The following DSCAM variants were observed in gnomAD, a reference collection of about 807,000 sequenced individuals.
DSCAM encodes the protein DS cell adhesion molecule, also known as cell adhesion molecule DSCAM.
A neutral mutation model predicts 217.7 loss-of-function variants in DSCAM; 47 were observed. The ratio of observed to expected loss-of-function variants is 0.22; its 90% confidence interval spans 0.17 to 0.28. The LOEUF is 0.28. Ranked by LOEUF, DSCAM falls within the 10% of genes least tolerant of loss-of-function variation. DSCAM has a pLI of 1.00. For missense variants in DSCAM, 2,080 were observed against 2,618.3 expected, an observed-to-expected ratio of 0.79 and a Z score of 4.49; for synonymous variants, 1,056 against 1,015.3, an observed-to-expected ratio of 1.04 and a Z score of -0.76.
In DSCAM at chr21:40,412,861, C is replaced by T. The variant is rs74498091; in HGVS notation, c.509-43616G>A. Among the ~76,000 whole-genome samples the T allele has an allele frequency of 7.2e-3, 1,099 of 152,272 alleles. 12 individuals are homozygous for T. The highest frequency in any genetic ancestry group is 0.025 in the African/African-American group (1,035 of 41,564). On this transcript the variant is annotated intron_variant, in intron 3 of 32. Coordinates refer to ENST00000400454, the MANE Select transcript of DSCAM (RefSeq NM_001389.5). Reference sequence around the variant, plus strand: ...CTCTGTAGCCCCTCCCATCACAGACCTGAAGGAAAAAGTGGTTTCATGGGC... The same window carrying T: ...CTCTGTAGCCCCTCCCATCACAGACTTGAAGGAAAAAGTGGTTTCATGGGC...
intron 1 of DSCAM, among the ~76,000 whole-genome samples, chr21:40,828,799 GCA>G (rs2091990135): frequency 6.6e-6 from 1 of 152,088 alleles, no homozygotes; most frequent in Non-Finnish European, 1.5e-5. Context: ...GGGACTACAG[GCA>G]CATGCCACCA....
chr21:40,548,504 A>T (rs2076602342), intron 3 of DSCAM, among the ~76,000 whole-genome samples: 1 of 61,230 alleles, frequency 1.6e-5, no homozygotes, highest in Non-Finnish European at 3.2e-5. Context: ...ATAAACCAGT[A>T]AAAAAAAAAA....
At chr21:40,456,327 T>C (rs2075763211) in intron 3 of DSCAM, among the ~76,000 whole-genome samples, 1 of 151,694 alleles carries the variant, frequency 6.6e-6, no homozygotes, top group Non-Finnish European at 1.5e-5. Flanking sequence ...AAAAAGTAAA[T>C]TAAAATTACA....
At chr21:40,637,651 CTATATATA>C in intron 3 of DSCAM, among the ~76,000 whole-genome samples, 1 of 71,010 alleles carries the variant, frequency 1.4e-5, no homozygotes, top group Non-Finnish European at 2.6e-5. Flanking sequence ...AAATATATAT[CTATATATA>C]TATATATAAA....
chr21:40,780,423 G>GTGTGTGTATATATATATA (rs1007015659), intron 1 of DSCAM, among the ~76,000 whole-genome samples: 28 of 56,430 alleles, frequency 5.0e-4, no homozygotes, highest in Non-Finnish European at 6.6e-4. Context: ...GTGTGTGTGT[G>GTGTGTGTATATATATATA]TATATATATA....
intron 20 of DSCAM, among the ~76,000 whole-genome samples, chr21:40,095,651 A>T (rs1416542583): frequency 2.0e-5 from 3 of 152,196 alleles, no homozygotes; most frequent in Admixed American, 6.5e-5. Context: ...CTGTGAATAT[A>T]CTAAGAGCCA....
chr21:40,182,672 G>GA (rs1483079545), intron 14 of DSCAM, among the ~76,000 whole-genome samples: 13 of 105,544 alleles, frequency 1.2e-4, no homozygotes, highest in African/African-American at 3.3e-4. Context: ...CCGTGGACAG[G>GA]GGGGGGTTAC....
At chr21:40,209,986 G>T (rs116856434) in intron 11 of DSCAM, among the ~76,000 whole-genome samples, 3 of 152,136 alleles carry the variant, frequency 2.0e-5, no homozygotes, top group African/African-American at 4.8e-5. Context: ...AAGTTAAGAC[G>T]TTTTATAATC....
At chr21:40,120,149 A>G (rs1601350866) in intron 20 of DSCAM, among the ~76,000 whole-genome samples, 1 of 152,164 alleles carries the variant, frequency 6.6e-6, no homozygotes, top group East Asian at 1.9e-4. Flanking sequence ...GGGTAAGAAG[A>G]GTAGTGGTGT....
intron 1 of DSCAM, among the ~76,000 whole-genome samples, chr21:40,732,442 T>G (rs1301795526): frequency 6.6e-6 from 1 of 152,192 alleles, no homozygotes; most frequent in Non-Finnish European, 1.5e-5. Flanking sequence ...TCATTCCAAT[T>G]AAGAGTCATG....
chr21:40,703,542 CCA>C (rs148454016), intron 2 of DSCAM, among the ~76,000 whole-genome samples: 8 of 150,722 alleles, frequency 5.3e-5, no homozygotes, highest in African/African-American at 1.7e-4. Flanking sequence ...ATACACACAT[CCA>C]CACACACACA....
chr21:40,466,337 C>G (rs1236987075), intron 3 of DSCAM, among the ~76,000 whole-genome samples: 2 of 152,158 alleles, frequency 1.3e-5, no homozygotes, highest in Non-Finnish European at 2.9e-5. Flanking sequence ...GGCTCTGAGG[C>G]CATCAACAGT....
In DSCAM at chr21:40,558,544, G is replaced by A. The variant is rs527991416; in HGVS notation, c.508+134266C>T. On this transcript the variant is annotated intron_variant, in intron 3 of 32. Transcript: ENST00000400454. ...TCTATAGAATGAGAGAGTGAATTAT[G>A]TTTTAAATAAACAGAGCAGTCTGCA... Among the ~76,000 whole-genome samples, 292 of 152,244 alleles carry A rather than the reference G, an allele frequency of 1.9e-3. 4 individuals are homozygous for A. Among genetic ancestry groups the A allele is most frequent in the African/African-American group, 6.8e-3 (283 of 41,562 alleles).
Position 40,563,586 on chromosome 21 carries a change from T to C in DSCAM, c.508+129224A>G, listed in dbSNP as rs1018942351. Among the ~76,000 whole-genome samples, 7 of 75,782 alleles carry C rather than the reference T, an allele frequency of 9.2e-5. No individual in the cohort carries two copies. The East Asian group carries it at 1.8e-3, about 19-fold the overall frequency. 49.7% of individuals were successfully genotyped at this position (75,782 alleles called of 152,430 possible). On this transcript the variant is annotated intron_variant, in intron 3 of 32. Coordinates refer to ENST00000400454, the MANE Select transcript of DSCAM (RefSeq NM_001389.5). ...ATGTTTATATATAGTTATATGTTTATATGTTTATATGTTATATATATGTTT... is the reference window on the plus strand; with the variant it reads ...ATGTTTATATATAGTTATATGTTTACATGTTTATATGTTATATATATGTTT...
At chr21:40,309,476 C>G (rs2074115106) in intron 9 of DSCAM, among the ~76,000 whole-genome samples, 2 of 152,092 alleles carry the variant, frequency 1.3e-5, no homozygotes, top group African/African-American at 2.4e-5. Flanking sequence ...CTCCTTTTCC[C>G]TCTTCGTCTC....
intron 6 of DSCAM, 65 bp downstream of exon 6, chr21:40,347,605 T>C (rs1197123374): frequency 8.8e-6 from 14 of 1,599,930 alleles, no homozygotes; most frequent in South Asian, 1.1e-5. Context: ...CCCTGTCTTC[T>C]TCTTTTCTGA....
At chr21:40,466,574 G>C (rs1037013759) in intron 3 of DSCAM, among the ~76,000 whole-genome samples, 6 of 151,802 alleles carry the variant, frequency 4.0e-5, no homozygotes, top group African/African-American at 1.5e-4. Context: ...TTCTTAAATG[G>C]ACTTGAAACT....
intron 1 of DSCAM, among the ~76,000 whole-genome samples, chr21:40,786,905 C>T (rs1013553981): frequency 7.2e-5 from 11 of 152,260 alleles, no homozygotes; most frequent in Middle Eastern, 3.4e-3. Flanking sequence ...TTTCATATTA[C>T]GAATCTGAAA....
intron 8 of DSCAM, among the ~76,000 whole-genome samples, chr21:40,313,605 C>T (rs138489941): frequency 5.3e-4 from 81 of 152,216 alleles, no homozygotes; most frequent in Non-Finnish European, 7.9e-4. Context: ...ATCAGCCTTA[C>T]GGATTAGTTA....
Sources: allele counts gnomAD v4.1 joint callset (sites outside exome capture counted in the v4.1 genomes callset), GRCh38; gene constraint gnomAD v4.1.1; transcripts MANE v1.5; gene names NCBI Gene and HGNC (gene_info 2026-07-23, HGNC 2026-07-21).